Variants in PADI1 observed in about 807,000 individuals in gnomAD.
PADI1 encodes peptidyl arginine deiminase 1.
PADI1 carries 65 observed loss-of-function variants against 74.8 expected under a neutral mutation model. The ratio of observed to expected loss-of-function variants is 0.87; its 90% CI spans 0.71 to 1.07. The LOEUF is 1.07. PADI1 is among the 50% of genes least tolerant of loss of function. The probability of loss-of-function intolerance (pLI) is 0.00; values close to 1 mark genes in which losing one functional copy is unlikely to be tolerated. For missense variants in PADI1, 943 were observed against 854.0 expected (o/e 1.10, Z -1.30); for synonymous variants, 371 against 336.2 (o/e 1.10, Z -1.13).
intron 6 of PADI1, 37 bp downstream of exon 6, chr1:17,226,195 A>G (rs977965236): frequency 1.2e-6 from 2 of 1,600,750 alleles, no homozygotes; most frequent in South Asian, 2.2e-5. Flanking sequence ...TCCCAGCTCC[A>G]TCCATATCTA....
intron 15 of PADI1, among the ~76,000 whole-genome samples, chr1:17,243,408 A>G (rs2100537594): frequency 6.6e-6 from 1 of 152,326 alleles, no homozygotes; most frequent in East Asian, 1.9e-4. Context: ...CCAAGTCCAA[A>G]TGTCAGTCTC....
intron 10 of PADI1, among the ~76,000 whole-genome samples, chr1:17,231,203 A>G (rs2072482202): frequency 6.6e-6 from 1 of 152,152 alleles, no homozygotes; most frequent in Admixed American, 6.5e-5. Flanking sequence ...TCCATGGCTT[A>G]CCTTATGTAT....
chr1:17,238,609 G>A lies in PADI1; in HGVS notation c.1459-7G>A, dbSNP rs529423123. 2.1e-4 allele frequency: 305 copies of A among 1,477,450 alleles called. 2 individuals carry two copies. In the South Asian group the frequency reaches 2.3e-3, roughly 11 times the overall value. 91.5% of individuals were successfully genotyped at this position (1,477,450 alleles called of 1,614,324 possible). A position where few individuals can be genotyped will look rare whatever the true frequency, so the allele number is the denominator to read the frequency against. On this transcript the variant is annotated splice_region_variant and splice_polypyrimidine_tract_variant and intron_variant, in intron 12 of 15. Coordinates refer to ENST00000375471, the MANE Select transcript of PADI1 (RefSeq NM_013358.3). The stretch of plus-strand genomic sequence containing the variant: ...CCACTGAGCCATTCTCCCTCCCTCC[G>A]TGCCAGGGCTTCCGGCTGCTCCTGG...
rs975094928 is a variant in PADI1 at position 17,244,197 on chromosome 1, T to C, written c.1946T>C (p.Val649Ala). The part of the protein sequence containing the change: ...LQGEIHCGTN[V>A]RRKPFPFKWW... ...GGGGAGATCCACTGTGGCACCAACGTGCGCAGGAAGCCCTTTCCCTTCAAA... is the reference window on the plus strand; with the variant it reads ...GGGGAGATCCACTGTGGCACCAACGCGCGCAGGAAGCCCTTTCCCTTCAAA... Residue 649 changes from valine (V) to alanine (A), a missense_variant, in exon 16 of 16, where the codon GTG (valine) becomes GCG (alanine). Transcript: ENST00000375471. The C allele has an allele frequency of 1.9e-5, 31 of 1,614,056 alleles. No individual in the cohort carries two copies. The highest frequency in any genetic ancestry group is 2.5e-5 in the Non-Finnish European group (30 of 1,180,022).
intron 1 of PADI1, among the ~76,000 whole-genome samples, chr1:17,217,025 G>A: frequency 7.0e-6 from 1 of 142,288 alleles, no homozygotes; most frequent in South Asian, 2.2e-4. Context: ...GGAGAGGGGA[G>A]GGAGGGGAGG....
At chr1:17,227,269 C>T (rs986414359) in intron 6 of PADI1, among the ~76,000 whole-genome samples, 3 of 150,114 alleles carry the variant, frequency 2.0e-5, no homozygotes, top group East Asian at 2.0e-4. Flanking sequence ...AAAAATTGGC[C>T]GGGCCCAGTG....
chr1:17,227,628 G>A (rs1037947076), intron 6 of PADI1, among the ~76,000 whole-genome samples: 4 of 152,114 alleles, frequency 2.6e-5, no homozygotes, highest in Non-Finnish European at 5.9e-5. Flanking sequence ...TTTACAAACA[G>A]CAACAGGCTT....
At chr1:17,225,981 T>A (rs1484676294) in intron 5 of PADI1, 52 bp from the exon 6 acceptor site, 30 of 1,611,354 alleles carry the variant, frequency 1.9e-5, no homozygotes, top group Non-Finnish European at 2.4e-5. Context: ...TGGAAGTGGA[T>A]CCTGTTGGTG....
chr1:17,214,342 C>T (rs1002819936), intron 1 of PADI1, among the ~76,000 whole-genome samples: 2 of 152,106 alleles, frequency 1.3e-5, no homozygotes, highest in African/African-American at 4.8e-5. Flanking sequence ...CCCCCTGCCC[C>T]CCGCCCCATG....
chr1:17,232,930 T>C lies in PADI1; in HGVS notation c.1273T>C (p.Tyr425His). The C allele has an allele frequency of 1.2e-6, 2 of 1,612,018 alleles. No individual in the cohort carries two copies. The highest frequency in any genetic ancestry group is 1.7e-6 in the Non-Finnish European group (2 of 1,179,636). ...GCCCGTCACGGTGGGCGGCACGGAA[T>C]ACCCCCTGGGCCGGATCCTCATCGG... ...SPPVTVGGTEYPLGRILIGSS... is the reference protein window; with the variant it reads ...SPPVTVGGTEHPLGRILIGSS... Residue 425 changes from tyrosine to histidine, a missense_variant, in exon 11 of 16, where the codon TAC becomes CAC. Physicochemically the swap from Tyr to His is moderately conservative, Grantham distance 83. Transcript: ENST00000375471.
At position 17,237,386 on chromosome 1, in the gene PADI1, G is replaced by A. The variant is rs777946123; in HGVS notation, c.1386G>A (p.Glu462=). ...CACAGCAGGTGCAGGCACCCGTGGA[G>A]CTCTACTCGGACTGGCTCTCTGTGG... ...LKAQQVQAPV[E]LYSDWLSVGH... The change falls in exon 12 of 16, where the codon GAG becomes GAA. Residue 462 remains glutamate, a synonymous_variant. Transcript: ENST00000375471. 21 of 1,613,828 alleles carry A rather than the reference G, an allele frequency of 1.3e-5. No homozygotes were observed. Among genetic ancestry groups the A allele is most frequent in the Non-Finnish European group, 2.5e-6 (3 of 1,179,908 alleles).
At chr1:17,230,008 G>C in intron 8 of PADI1, 77 bp from the exon 9 acceptor site, 1 of 1,438,054 alleles carries the variant, frequency 7.0e-7, no homozygotes. Flanking sequence ...ACAGGGCCCA[G>C]CACAAACTGA....
Position 17,240,718 on chromosome 1 carries a change from C to T in PADI1, c.1716C>T (p.Phe572=). The part of the protein sequence containing the change: ...ESDIVDIPQL[F]FLKNFYAEAF... ...ACATCGTGGACATTCCCCAGCTCTTCTTCCTGAAAAACTTCTACGCGGAAG... is the reference window on the plus strand; with the variant it reads ...ACATCGTGGACATTCCCCAGCTCTTTTTCCTGAAAAACTTCTACGCGGAAG... Residue 572 remains phenylalanine (F), a synonymous_variant, in exon 15 of 16, where the codon TTC becomes TTT. Coordinates refer to ENST00000375471, the MANE Select transcript of PADI1 (RefSeq NM_013358.3). 1 of 1,614,130 alleles carries T rather than the reference C, an allele frequency of 6.2e-7. No individual in the cohort carries two copies. Among genetic ancestry groups the T allele is most frequent in the Non-Finnish European group, 8.5e-7 (1 of 1,179,956 alleles).
chr1:17,242,580 G>A (rs1440553000), intron 15 of PADI1, among the ~76,000 whole-genome samples: 3 of 152,212 alleles, frequency 2.0e-5, no homozygotes, highest in Non-Finnish European at 4.4e-5. Context: ...CTGACTGTGG[G>A]TCATCCTGTG....
In PADI1 at chr1:17,237,326, GCA is replaced by G; in HGVS notation, c.1327_1328del (p.Gln443AspfsTer41). Reference sequence around the variant, plus strand: ...CCCTCCTGGCCAGGTCCGGTGGGCGGCAGATGGCCAGGGCAGTGCGGAACTTC... The same window carrying G: ...CCCTCCTGGCCAGGTCCGGTGGGCGGGATGGCCAGGGCAGTGCGGAACTTC... ...GSSFPKSGGR[Q>X]MARAVRNFLK... On this transcript the variant is annotated frameshift_variant, in exon 12 of 16. Coordinates refer to ENST00000375471, the MANE Select transcript of PADI1 (RefSeq NM_013358.3). LOFTEE classifies it high-confidence loss of function. 1 of 1,608,814 alleles carries G rather than the reference GCA, an allele frequency of 6.2e-7. No individual in the cohort carries two copies. Among genetic ancestry groups the G allele is most frequent in the Non-Finnish European group, 8.5e-7 (1 of 1,177,212 alleles).
At chr1:17,206,718 G>A (rs1212321968) in intron 1 of PADI1, among the ~76,000 whole-genome samples, 27 of 121,286 alleles carry the variant, frequency 2.2e-4, no homozygotes, top group Admixed American at 1.2e-3. Context: ...ATGGAGTCTC[G>A]CTCTGTCACC....
chr1:17,218,485 C>T (rs181929206), intron 1 of PADI1, among the ~76,000 whole-genome samples: 7 of 152,138 alleles, frequency 4.6e-5, no homozygotes, highest in Admixed American at 3.3e-4. Flanking sequence ...AAGCAGAGCC[C>T]GTGTCCCAGC....
intron 6 of PADI1, among the ~76,000 whole-genome samples, chr1:17,226,737 A>T (rs1013842584): frequency 6.6e-6 from 1 of 152,278 alleles, no homozygotes; most frequent in African/African-American, 2.4e-5. Context: ...AACACAGTGA[A>T]ACCCTGTCTC....
intron 11 of PADI1, among the ~76,000 whole-genome samples, chr1:17,234,867 G>C (rs2072590420): frequency 6.6e-6 from 1 of 152,092 alleles, no homozygotes; most frequent in Non-Finnish European, 1.5e-5. Context: ...CGATATTGAC[G>C]CTTCTTTGCG....
Sources: allele counts gnomAD v4.1 joint callset (sites outside exome capture counted in the v4.1 genomes callset), GRCh38; gene constraint gnomAD v4.1.1; transcripts MANE v1.5; gene names NCBI Gene and HGNC (gene_info 2026-07-23, HGNC 2026-07-21).